NR1H3: variants seen among roughly 807,000 people sequenced by gnomAD.
NR1H3 encodes the protein nuclear receptor subfamily 1 group H member 3.
NR1H3 carries 19 observed loss-of-function variants against 48.1 expected under a neutral mutation model. The observed-to-expected ratio is 0.40, with a 90% CI of 0.28 to 0.58. The LOEUF (loss-of-function observed/expected upper bound fraction) is 0.58. NR1H3 is among the 20% of genes least tolerant of loss of function. The pLI is 0.50. For synonymous variants in NR1H3, 232 were observed against 227.3 expected (o/e 1.02, Z -0.19); for missense variants, 486 against 595.9 (o/e 0.82, Z 1.92).
chr11:47,259,565 C>G lies in NR1H3; in HGVS notation c.44-226C>G, dbSNP rs377422297. The G allele has an allele frequency of 1.2e-4, 172 of 1,465,624 alleles. 2 individuals carry two copies. Among genetic ancestry groups the G allele is most frequent in the East Asian group, 9.2e-4 (37 of 40,180 alleles). The allele number at this position is 1,465,624 out of a possible 1,614,324, so 90.8% of individuals were successfully genotyped here. On this transcript the variant is annotated intron_variant, in intron 2 of 9. Coordinates refer to ENST00000441012, the MANE Select transcript of NR1H3 (RefSeq NM_005693.4). The stretch of plus-strand genomic sequence containing the variant: ...CTGAAATGCATACACTCCAGCCCCC[C>G]AAAGGGACAAGGATTAACATCTTCA...
chr11:47,260,374 C>T (rs567560964), intron 3 of NR1H3, 35 bp from the exon 4 acceptor site: 38 of 1,575,452 alleles, frequency 2.4e-5, no homozygotes, highest in Admixed American at 7.1e-5. Context: ...TGTTTTTCCT[C>T]GGGGGAGAGC....
rs374483092 is a variant in NR1H3 at position 47,261,730 on chromosome 11, G to A, written c.888+4G>A. On this transcript the variant is annotated splice_donor_region_variant and intron_variant, in intron 6 of 9. Transcript: ENST00000441012. ...GCTGAAGACCTCTGCGATCGAGGTG[G>A]CTGGAGAAGGGCAAGGGATGAAGGG... 178 of 1,613,868 alleles carry A rather than the reference G, an allele frequency of 1.1e-4. No homozygotes were observed. Among genetic ancestry groups the A allele is most frequent in the Non-Finnish European group, 1.4e-4 (165 of 1,180,054 alleles).
chr11:47,255,284 T>A (rs1954974134), upstream of NR1H3, among the ~76,000 whole-genome samples: 4 of 152,230 alleles, frequency 2.6e-5, no homozygotes, highest in Non-Finnish European at 5.9e-5. Flanking sequence ...GAAAAGGCCC[T>A]CACATGAGTT....
intron 7 of NR1H3, among the ~76,000 whole-genome samples, chr11:47,264,388 C>T (rs1041514645): frequency 2.0e-5 from 3 of 152,208 alleles, no homozygotes; most frequent in African/African-American, 4.8e-5. Context: ...CTAGGAAGGC[C>T]ACTCTTCGCT....
chr11:47,251,478 G>A (rs773738119), intron 1 of NR1H3, among the ~76,000 whole-genome samples: 4 of 152,102 alleles, frequency 2.6e-5, no homozygotes, highest in Non-Finnish European at 5.9e-5. Flanking sequence ...CAGTCGTGGT[G>A]GCGTGTGCCT....
chr11:47,248,427 C>T, upstream of NR1H3: 1 of 1,537,386 alleles, frequency 6.5e-7, no homozygotes, highest in Non-Finnish European at 8.7e-7. Flanking sequence ...TAACCAAAGG[C>T]TTCTTTAGGG....
rs765178299 is a variant in NR1H3 at position 47,259,824 on chromosome 11, A to G, written c.77A>G (p.Gln26Arg). 8 of 1,612,208 alleles carry G rather than the reference A, an allele frequency of 5.0e-6. No homozygotes were observed. The highest frequency in any genetic ancestry group is 2.2e-5 in the South Asian group (2 of 91,010). Residue 26 changes from glutamine (Q) to arginine (R), a missense_variant, in exon 3 of 10, where the codon CAG becomes CGG. Physicochemically the swap from Gln to Arg is conservative, Grantham distance 43 (BLOSUM62 1). Coordinates refer to ENST00000441012, the MANE Select transcript of NR1H3 (RefSeq NM_005693.4). ...GTGGAGCTGTGGAAGCCAGGCGCAC[A>G]GGATGCAAGCAGCCAGGCCCAGGGA... is the stretch of plus-strand genomic sequence containing the variant. ...SAVELWKPGA[Q>R]DASSQAQGGS...
chr11:47,268,332 T>A lies in NR1H3; in HGVS notation c.1174T>A (p.Tyr392Asn). ...QHTYVEALHA[Y>N]VSIHHPHDRL... ...CACATATGTGGAAGCCCTGCATGCC[T>A]ACGTCTCCATCCACCATCCCCATGT... is the stretch of plus-strand genomic sequence containing the variant. Residue 392 changes from tyrosine (Y) to asparagine (N), a missense_variant, in exon 9 of 10, where the codon TAC (tyrosine) becomes AAC (asparagine). Coordinates refer to ENST00000441012, the MANE Select transcript of NR1H3 (RefSeq NM_005693.4). The A allele has an allele frequency of 1.9e-6, 3 of 1,614,140 alleles. No homozygotes were observed. The highest frequency in any genetic ancestry group is 2.5e-6 in the Non-Finnish European group (3 of 1,180,002).
chr11:47,256,731 C>CTT (rs59869867), upstream of NR1H3, among the ~76,000 whole-genome samples: 2 of 134,072 alleles, frequency 1.5e-5, no homozygotes, highest in Admixed American at 7.5e-5. Context: ...AATAATATTT[C>CTT]TTTTTTTTTT....
chr11:47,250,048 T>C (rs1359953928), intron 1 of NR1H3, among the ~76,000 whole-genome samples: 1 of 152,022 alleles, frequency 6.6e-6, no homozygotes, highest in East Asian at 1.9e-4. Context: ...TGCAGTGAGC[T>C]GAGATCACGC....
At chr11:47,248,946 T>C in exon 1 of NR1H3, 1 of 1,532,244 alleles carries the variant, frequency 6.5e-7, no homozygotes, top group Non-Finnish European at 8.7e-7. Context: ...GCAGTCTCGG[T>C]GGGATTGCGT....
Position 47,259,878 on chromosome 11 carries a change from C to T in NR1H3, c.131C>T (p.Ala44Val). The change falls in exon 3 of 10, where the codon GCC becomes GTC. Residue 44 changes from alanine to valine, a missense_variant. Ala to Val is a moderately conservative substitution (Grantham distance 64). Transcript: ENST00000441012. ...GGSSCILREE[A>V]RMPHSAGGTA... ...AGCAGCTGCATCCTCAGAGAGGAAGCCAGGATGCCCCACTCTGCTGGGGGT... is the reference window on the plus strand; with the variant it reads ...AGCAGCTGCATCCTCAGAGAGGAAGTCAGGATGCCCCACTCTGCTGGGGGT... 6.2e-7 allele frequency: 1 copy of T among 1,612,884 alleles called. No individual in the cohort carries two copies. The highest frequency in any genetic ancestry group is 8.5e-7 in the Non-Finnish European group (1 of 1,179,878).
At position 47,267,909 on chromosome 11, in the gene NR1H3, C is replaced by T; in HGVS notation, c.989-4C>T. On this transcript the variant is annotated splice_polypyrimidine_tract_variant and splice_region_variant and intron_variant, in intron 7 of 9. Transcript: ENST00000441012. The stretch of plus-strand genomic sequence containing the variant: ...TTGCGTCAGCCTCCCTTCTTCCTCC[C>T]CAGGGCTGCAAGTGGAATTCATCAA... 1 of 1,609,732 alleles carries T rather than the reference C, an allele frequency of 6.2e-7. No homozygotes were observed. The highest frequency in any genetic ancestry group is 1.1e-5 in the South Asian group (1 of 90,992).
In NR1H3 at chr11:47,258,170, G is replaced by GT. The variant is rs1323898713; in HGVS notation, c.-38+42dup. ...AGCAGTGGCCTGGGGCTCTGTGTGT[G>GT]TATCTGGGGTGGGGTCGGGGAATGT... On this transcript the variant is annotated intron_variant, in intron 1 of 9. Coordinates refer to ENST00000441012, the MANE Select transcript of NR1H3 (RefSeq NM_005693.4). 4.1e-6 allele frequency: 4 copies of GT among 985,300 alleles called. No homozygotes were observed. In the African/African-American group the frequency reaches 7.0e-5, roughly 17 times the overall value. The allele number at this position is 985,300 out of a possible 1,614,324, so 61.0% of individuals were successfully genotyped here.
At chr11:47,256,268 T>C (rs1955167044), upstream of NR1H3, among the ~76,000 whole-genome samples, 2 of 152,076 alleles carry the variant, frequency 1.3e-5, no homozygotes, top group South Asian at 4.1e-4. Flanking sequence ...CTCGAACTCC[T>C]GACCTCAAGT....
At chr11:47,248,599 G>A, upstream of NR1H3, 1 of 1,554,668 alleles carries the variant, frequency 6.4e-7, no homozygotes. Flanking sequence ...GTTCCTTCCC[G>A]AGATCCTCGA....
rs767003434 is a variant in NR1H3 at position 47,259,523 on chromosome 11, A to G, written c.43+264A>G. ...AGTGCTTACCCTGCTCTGGCTTTGAAGAGTTTTATCTGATCTCTGAAATGC... is the reference window on the plus strand; with the variant it reads ...AGTGCTTACCCTGCTCTGGCTTTGAGGAGTTTTATCTGATCTCTGAAATGC... On this transcript the variant is annotated intron_variant, in intron 2 of 9. Coordinates refer to ENST00000441012, the MANE Select transcript of NR1H3 (RefSeq NM_005693.4). The G allele has an allele frequency of 9.9e-6, 15 of 1,514,932 alleles. No individual in the cohort carries two copies. The African/African-American group carries it at 1.8e-4, about 18-fold the overall frequency. 93.8% of individuals were successfully genotyped at this position (1,514,932 alleles called of 1,614,324 possible). A position where few individuals can be genotyped will look rare whatever the true frequency, so the allele number is the denominator to read the frequency against.
At chr11:47,250,172 C>T (rs968534966) in intron 1 of NR1H3, among the ~76,000 whole-genome samples, 2 of 152,002 alleles carry the variant, frequency 1.3e-5, no homozygotes, top group African/African-American at 4.8e-5. Context: ...TTTGGGAGGC[C>T]AGGGTGGGAA....
intron 1 of NR1H3, chr11:47,250,451 T>G (rs2093748483): frequency 6.6e-6 from 1 of 152,160 alleles, no homozygotes; most frequent in African/African-American, 2.4e-5. Context: ...ATTATCTGTC[T>G]TTATTTTGTC....
Sources: gnomAD v4.1 joint callset for allele counts (sites outside exome capture counted in the v4.1 genomes callset) on GRCh38, gnomAD v4.1.1 for gene constraint, MANE v1.5 for transcripts, NCBI Gene and HGNC (gene_info 2026-07-23, HGNC 2026-07-21) for gene names.